Variants in SRSF7 observed in about 807,000 individuals in gnomAD.
SRSF7 encodes the protein serine and arginine rich splicing factor 7, also known as serine/arginine-rich splicing factor 7.
In SRSF7, 15 loss-of-function variants were observed where a neutral mutation model predicts 42.2. The observed-to-expected ratio is 0.36, with a 90% CI of 0.24 to 0.55. The LOEUF (loss-of-function observed/expected upper bound fraction) is 0.55, where lower values mean the gene tolerates loss of function less well. Among genes scored for constraint, SRSF7 ranks in the 20% least tolerant of loss-of-function variants. The pLI is 0.88. For synonymous variants in SRSF7, 138 were observed against 107.9 expected (o/e 1.28, Z -1.73); for missense variants, 181 against 305.9 (o/e 0.59, Z 3.04).
At chr2:38,751,373 C>A, upstream of SRSF7, 2 of 1,431,178 alleles carry the variant, frequency 1.4e-6, no homozygotes, top group East Asian at 2.3e-5. Context: ...AGGAAGAGCC[C>A]GGGTTCGCGT....
At chr2:38,747,194 G>A (rs996035978) in intron 5 of SRSF7, 12 of 411,416 alleles carry the variant, frequency 2.9e-5, no homozygotes, top group South Asian at 1.0e-4. Context: ...AAGGCCAGAC[G>A]AAAAGAAAGC....
chr2:38,748,606 C>T lies in SRSF7; in HGVS notation c.434G>A (p.Arg145His). 5.0e-6 allele frequency: 8 copies of T among 1,614,182 alleles called. No individual in the cohort carries two copies. The highest frequency in any genetic ancestry group is 2.2e-5 in the East Asian group (1 of 44,886). Residue 145 changes from arginine to histidine, a missense_variant, in exon 4 of 8, where the codon CGC becomes CAC. By Grantham distance (29) the Arg-to-His change is conservative. This residue lies in a region of SRSF7 where 136 missense variants were observed against 147.8 expected (regional missense o/e 0.92). Transcript: ENST00000313117. The part of the protein sequence containing the change: ...HSRSRGRRYS[R>H]SRSRSRGRRS... Reference sequence around the variant, plus strand: ...TCGTCCCCTGCTCCTGCTGCGTGAGCGAGAGTATCGCCTTCCTCTGGATCG... The same window carrying T: ...TCGTCCCCTGCTCCTGCTGCGTGAGTGAGAGTATCGCCTTCCTCTGGATCG...
In SRSF7 at chr2:38,744,194, G is replaced by C; in HGVS notation, c.*939C>G. ...CAAAATAGAAGAATGTTGTGGTTGG[G>C]AACTGCAAAACCTAGCTTGAAGATT... On this transcript the variant is annotated 3_prime_UTR_variant, in exon 8 of 8. Coordinates refer to ENST00000313117, the MANE Select transcript of SRSF7 (RefSeq NM_001031684.3). 2.0e-5 allele frequency: 3 copies of C among 152,568 alleles called. No individual in the cohort carries two copies. Among genetic ancestry groups the C allele is most frequent in the Non-Finnish European group, 4.4e-5 (3 of 68,028 alleles). The allele number at this position is 152,568 out of a possible 1,614,324, so 9.5% of individuals were successfully genotyped here. A position where few individuals can be genotyped will look rare whatever the true frequency, so the allele number is the denominator to read the frequency against.
At chr2:38,746,427 GC>G (rs1361802175) in intron 6 of SRSF7, among the ~76,000 whole-genome samples, 1 of 152,184 alleles carries the variant, frequency 6.6e-6, no homozygotes, top group Admixed American at 6.5e-5. Context: ...ATTTCAGGAT[GC>G]TTCTCCATGC....
chr2:38,745,752 A>C (rs1034687222), intron 7 of SRSF7, among the ~76,000 whole-genome samples: 1 of 152,162 alleles, frequency 6.6e-6, no homozygotes, highest in African/African-American at 2.4e-5. Flanking sequence ...GGTCATTAAG[A>C]AGCACTAGAT....
intron 5 of SRSF7, chr2:38,747,047 G>A (rs936858015): frequency 3.7e-6 from 2 of 542,114 alleles, no homozygotes; most frequent in African/African-American, 3.8e-5. Flanking sequence ...CTGGTATGAA[G>A]GAAGCAAAAC....
Position 38,746,738 on chromosome 2 carries a change from C to G in SRSF7, c.582G>C (p.Ser194=). The G allele has an allele frequency of 1.2e-6, 2 of 1,613,428 alleles. No homozygotes were observed. Among genetic ancestry groups the G allele is most frequent in the Non-Finnish European group, 1.7e-6 (2 of 1,179,776 alleles). The change falls in exon 6 of 8, where the codon TCG becomes TCC. Residue 194 remains serine, a synonymous_variant. Transcript: ENST00000313117. ...IKGSRYFQSP[S]RSRSRSRSIS... ...TAGACCTGGATCTTGATCTTGACCT[C>G]GACGGGGATCTTAATAAAAAAAGTG... is the stretch of plus-strand genomic sequence containing the variant.
chr2:38,746,499 C>A (rs542146036), intron 6 of SRSF7, among the ~76,000 whole-genome samples, 195 bp downstream of exon 6: 1 of 152,312 alleles, frequency 6.6e-6, no homozygotes, highest in African/African-American at 2.4e-5. Flanking sequence ...GCTTCTTTCT[C>A]ACTATAGTTT....
At chr2:38,747,148 T>C (rs1451362640) in intron 5 of SRSF7, 1 of 471,596 alleles carries the variant, frequency 2.1e-6, no homozygotes, top group Non-Finnish European at 4.4e-6. Context: ...AGGATGAAAA[T>C]AACCAGACCC....
At chr2:38,748,511 T>C (rs1365561582) in intron 4 of SRSF7, 68 bp downstream of exon 4, 4 of 1,522,300 alleles carry the variant, frequency 2.6e-6, no homozygotes, top group African/African-American at 2.7e-5. Context: ...ATAATGAGCT[T>C]TTTCTGTGTT....
chr2:38,746,963 G>A, intron 5 of SRSF7: 1 of 746,622 alleles, frequency 1.3e-6, no homozygotes, highest in African/African-American at 1.8e-5. Flanking sequence ...CAATTGGTTA[G>A]TTTCTGTACA....
In SRSF7 at chr2:38,751,338, C is replaced by T; in HGVS notation, c.-82G>A. Reference sequence around the variant, plus strand: ...GCAAAAGCTGACACACACCTTCACCCGCCAAGAGTCCCGGCGGCACTACGA... The same window carrying T: ...GCAAAAGCTGACACACACCTTCACCTGCCAAGAGTCCCGGCGGCACTACGA... On this transcript the variant is annotated 5_prime_UTR_variant, in exon 1 of 8. Coordinates refer to ENST00000313117, the MANE Select transcript of SRSF7 (RefSeq NM_001031684.3). 1.8e-5 allele frequency: 28 copies of T among 1,594,760 alleles called. No individual in the cohort carries two copies. Among genetic ancestry groups the T allele is most frequent in the South Asian group, 1.7e-4 (15 of 90,558 alleles).
chr2:38,748,190 G>GTT (rs374060715), intron 4 of SRSF7, 33 bp from the exon 5 acceptor site: 13,746 of 1,257,094 alleles, frequency 0.011, no homozygotes, highest in South Asian at 0.013. Context: ...CATCTCCACA[G>GTT]TTTTTTTTTT....
intron 3 of SRSF7, chr2:38,748,932 TG>T: frequency 7.5e-7 from 1 of 1,337,404 alleles, no homozygotes; most frequent in Non-Finnish European, 9.6e-7. Flanking sequence ...CTTTGGCCCA[TG>T]GTCTAGTAGA....
Position 38,749,799 on chromosome 2 carries a change from A to G in SRSF7, c.210-94T>C, listed in dbSNP as rs1372898940. 2.9e-6 allele frequency: 4 copies of G among 1,364,822 alleles called. No individual in the cohort carries two copies. The Admixed American group carries it at 9.7e-5, about 33-fold the overall frequency. 84.5% of individuals were successfully genotyped at this position (1,364,822 alleles called of 1,614,324 possible). A position where few individuals can be genotyped will look rare whatever the true frequency, so the allele number is the denominator to read the frequency against. ...CTCTTTCCAACCACTCACTCTTTCC[A>G]ACCACTCCTTCCCCCCCAACAAACT... On this transcript the variant is annotated intron_variant, in intron 2 of 7. Coordinates refer to ENST00000313117, the MANE Select transcript of SRSF7 (RefSeq NM_001031684.3).
intron 5 of SRSF7, chr2:38,747,088 T>C (rs774609170): frequency 2.0e-6 from 1 of 489,010 alleles, no homozygotes; most frequent in African/African-American, 2.0e-5. Context: ...ATCCCTCAGC[T>C]GGGCACTGTG....
Position 38,748,122 on chromosome 2 carries a change from A to G in SRSF7, c.497T>C (p.Ile166Thr). The change falls in exon 5 of 8, where the codon ATC (isoleucine) becomes ACC (threonine). Residue 166 changes from isoleucine to threonine, a missense_variant. By Grantham distance (89) the Ile-to-Thr change is moderately conservative. This residue lies in a region of SRSF7 where 136 missense variants were observed against 147.8 expected (regional missense o/e 0.92). Transcript: ENST00000313117. ...RSASPRRSRS[I>T]SLRRSRSASL... is the part of the protein sequence containing the mutation. ...AGCTGATCTTGATCTACGAAGAGAGATAGATCTTGATCGTCGAGGAGATGC... is the reference window on the plus strand; with the variant it reads ...AGCTGATCTTGATCTACGAAGAGAGGTAGATCTTGATCGTCGAGGAGATGC... 36 of 1,613,948 alleles carry G rather than the reference A, an allele frequency of 2.2e-5. No individual in the cohort carries two copies. The Admixed American group carries it at 2.5e-4, about 11-fold the overall frequency.
chr2:38,751,371 C>A, upstream of SRSF7: 2 of 1,441,862 alleles, frequency 1.4e-6, no homozygotes, highest in Non-Finnish European at 1.9e-6. Flanking sequence ...CGAGGAAGAG[C>A]CCGGGTTCGC....
intron 5 of SRSF7, chr2:38,746,948 T>G (rs1396397473): frequency 1.2e-6 from 1 of 832,960 alleles, no homozygotes. Context: ...CTTGTTTCTA[T>G]CACTCAATTG....
Sources: allele counts gnomAD v4.1 joint callset (sites outside exome capture counted in the v4.1 genomes callset), GRCh38; gene constraint gnomAD v4.1.1; regional missense constraint gnomAD v4.1.1; transcripts MANE v1.5; gene names NCBI Gene and HGNC (gene_info 2026-07-23, HGNC 2026-07-21).